Variants in POU1F1 observed in about 807,000 individuals in gnomAD.
POU1F1 encodes pituitary-specific positive transcription factor 1.
In POU1F1, 23 loss-of-function variants were observed where a neutral mutation model predicts 32.3. That is an observed-to-expected ratio of 0.71 (90% CI 0.51 to 1.01). POU1F1 has a LOEUF of 1.01. Ranked by LOEUF, POU1F1 falls within the 50% of genes least tolerant of loss-of-function variation. The pLI is 0.00. For synonymous variants in POU1F1, 120 were observed against 115.6 expected, an observed-to-expected ratio of 1.04 and a Z score of -0.25; for missense variants, 323 against 341.6, an observed-to-expected ratio of 0.95 and a Z score of 0.43.
rs76296626 is a variant in POU1F1, at chr3:87,260,109, C to A, written c.666-5G>T. On this transcript the variant is annotated splice_region_variant and splice_polypyrimidine_tract_variant and intron_variant, in intron 5 of 5. Transcript: ENST00000350375. ...AGAGCATCTTTAGCAGCAATGCTGGCGGGGGGTGGACATAGGGGGTGAAAT... is the reference window on the plus strand; with the variant it reads ...AGAGCATCTTTAGCAGCAATGCTGGAGGGGGGTGGACATAGGGGGTGAAAT... 1 of 1,609,970 alleles carries A rather than the reference C, an allele frequency of 6.2e-7. No homozygotes were observed. Among genetic ancestry groups the A allele is most frequent in the Non-Finnish European group, 8.5e-7 (1 of 1,177,844 alleles).
chr3:87,269,805 C>T (rs1706693349), intron 2 of POU1F1, among the ~76,000 whole-genome samples: 1 of 151,560 alleles, frequency 6.6e-6, no homozygotes, highest in Non-Finnish European at 1.5e-5. Flanking sequence ...TTGTTTTCCC[C>T]TTGAAATTAA....
In POU1F1 at chr3:87,261,975, C is replaced by A. The variant is rs372330792; in HGVS notation, c.604+96G>T. 143 of 1,442,162 alleles carry A rather than the reference C, an allele frequency of 9.9e-5. 2 individuals carry two copies. In the African/African-American group the frequency reaches 1.2e-3, roughly 12 times the overall value. The allele number at this position is 1,442,162 out of a possible 1,614,324, so 89.3% of individuals were successfully genotyped here. On this transcript the variant is annotated intron_variant, in intron 4 of 5. Coordinates refer to ENST00000350375, the MANE Select transcript of POU1F1 (RefSeq NM_000306.4). ...CTCAAAGAGAAAAGGCGGAAAAAAA[C>A]CCCTCAAACCTCCTGCTTTAGCATT...
At chr3:87,263,242 T>C (rs1706543408) in intron 3 of POU1F1, among the ~76,000 whole-genome samples, 1 of 152,118 alleles carries the variant, frequency 6.6e-6, no homozygotes, top group Admixed American at 6.6e-5. Context: ...TAAATGATTG[T>C]CAAGCATATT....
intron 1 of POU1F1, 184 bp from the exon 2 acceptor site, chr3:87,273,602 G>GT: frequency 1.7e-6 from 2 of 1,188,812 alleles, no homozygotes; most frequent in Non-Finnish European, 2.3e-6. Context: ...CTCATTTTGG[G>GT]TAAGTTCTCT....
intron 3 of POU1F1, among the ~76,000 whole-genome samples, chr3:87,263,862 C>T (rs1219483405): frequency 6.6e-6 from 1 of 151,664 alleles, no homozygotes; most frequent in Non-Finnish European, 1.5e-5. Flanking sequence ...CATATATTTC[C>T]ATATATATTT....
chr3:87,260,310 A>G (rs1473262785), intron 5 of POU1F1, among the ~76,000 whole-genome samples: 1 of 152,212 alleles, frequency 6.6e-6, no homozygotes. Flanking sequence ...AGGTAGAGTT[A>G]CACGAGAGTC....
Position 87,264,280 on chromosome 3 carries a change from G to A in POU1F1, c.439+8C>T. 5 of 1,598,676 alleles carry A rather than the reference G, an allele frequency of 3.1e-6. No individual in the cohort carries two copies. Among genetic ancestry groups the A allele is most frequent in the Non-Finnish European group, 4.3e-6 (5 of 1,166,212 alleles). On this transcript the variant is annotated splice_region_variant and intron_variant, in intron 3 of 5. Coordinates refer to ENST00000350375, the MANE Select transcript of POU1F1 (RefSeq NM_000306.4). ...TTCTTTTTCCTGTTGCCTTTAACAA[G>A]CACATACCTAATTTAATTCGTCTCA...
At chr3:87,264,871 CAG>C (rs1263067326) in intron 2 of POU1F1, among the ~76,000 whole-genome samples, 1 of 152,098 alleles carries the variant, frequency 6.6e-6, no homozygotes, top group Non-Finnish European at 1.5e-5. Context: ...GAACTCTAAC[CAG>C]AGTCTATGCA....
At chr3:87,266,209 A>G (rs896646334) in intron 2 of POU1F1, among the ~76,000 whole-genome samples, 2 of 147,520 alleles carry the variant, frequency 1.4e-5, no homozygotes, top group East Asian at 1.9e-4. Flanking sequence ...AATCATAAAT[A>G]TGTAGTTATT....
At chr3:87,270,897 T>C (rs1262659936) in intron 2 of POU1F1, among the ~76,000 whole-genome samples, 1 of 152,126 alleles carries the variant, frequency 6.6e-6, no homozygotes, top group African/African-American at 2.4e-5. Context: ...CAAATGCTAA[T>C]ACTGAATTAT....
chr3:87,262,936 A>C (rs142807072), intron 3 of POU1F1, among the ~76,000 whole-genome samples: 36 of 152,280 alleles, frequency 2.4e-4, no homozygotes, highest in African/African-American at 8.7e-4. Flanking sequence ...TTTCACAAAG[A>C]TTCCTACTAC....
At position 87,259,809 on chromosome 3, in the gene POU1F1, T is replaced by A. The variant is rs775122027; in HGVS notation, c.*85A>T. 4.7e-4 allele frequency: 555 copies of A among 1,181,364 alleles called. 2 individuals carry two copies. Among genetic ancestry groups the A allele is most frequent in the Middle Eastern group, 1.1e-3 (4 of 3,670 alleles). The allele number at this position is 1,181,364 out of a possible 1,614,324, so 73.2% of individuals were successfully genotyped here. A position where few individuals can be genotyped will look rare whatever the true frequency, so the allele number is the denominator to read the frequency against. On this transcript the variant is annotated 3_prime_UTR_variant, in exon 6 of 6. Transcript: ENST00000350375. ...AAAAGCTATTGATATAAAATGATTT[T>A]AAGTCAACCAAGTAATTTCTGTTTT...
chr3:87,264,257 C>A (rs997471028), intron 3 of POU1F1, 31 bp downstream of exon 3: 2 of 1,547,646 alleles, frequency 1.3e-6, no homozygotes, highest in African/African-American at 1.4e-5. Flanking sequence ...AAACCAAGTT[C>A]TTTTTCCTGT....
At chr3:87,260,865 A>ATTT (rs199555032) in intron 5 of POU1F1, among the ~76,000 whole-genome samples, 1 of 45,398 alleles carries the variant, frequency 2.2e-5, no homozygotes, top group African/African-American at 8.2e-5. Context: ...CATTATTATT[A>ATTT]TTTTTTTTTT....
intron 2 of POU1F1, among the ~76,000 whole-genome samples, chr3:87,265,922 TTGAG>T (rs1453160270): frequency 1.3e-5 from 2 of 151,554 alleles, no homozygotes; most frequent in African/African-American, 4.8e-5. Flanking sequence ...TATAAAAATA[TTGAG>T]TAATTAATCA....
intron 2 of POU1F1, among the ~76,000 whole-genome samples, chr3:87,270,290 T>C (rs1035764256): frequency 6.6e-6 from 1 of 152,164 alleles, no homozygotes; most frequent in Non-Finnish European, 1.5e-5. Context: ...AACGTAGATA[T>C]GAAGAGATTG....
rs1391478091 is a variant in POU1F1, at chr3:87,259,816, A to G, written c.*78T>C. 6 of 1,251,518 alleles carry G rather than the reference A, an allele frequency of 4.8e-6. No homozygotes were observed. The highest frequency in any genetic ancestry group is 1.5e-5 in the African/African-American group (1 of 66,710). 77.5% of individuals were successfully genotyped at this position (1,251,518 alleles called of 1,614,324 possible). A position where few individuals can be genotyped will look rare whatever the true frequency, so the allele number is the denominator to read the frequency against. On this transcript the variant is annotated 3_prime_UTR_variant, in exon 6 of 6. Transcript: ENST00000350375. ...ATTGATATAAAATGATTTTAAGTCAACCAAGTAATTTCTGTTTTTGTTGAG... is the reference window on the plus strand; with the variant it reads ...ATTGATATAAAATGATTTTAAGTCAGCCAAGTAATTTCTGTTTTTGTTGAG...
intron 1 of POU1F1, 117 bp downstream of exon 1, chr3:87,276,204 A>G: frequency 7.5e-7 from 1 of 1,340,904 alleles, no homozygotes. Context: ...CTTAAGACAA[A>G]TTAAATTGGA....
At chr3:87,275,333 T>A (rs1706806415) in intron 1 of POU1F1, among the ~76,000 whole-genome samples, 2 of 151,998 alleles carry the variant, frequency 1.3e-5, no homozygotes, top group Non-Finnish European at 2.9e-5. Context: ...AGAAGATTGG[T>A]GCCAAACTTA....
Sources: allele counts gnomAD v4.1 joint callset (sites outside exome capture counted in the v4.1 genomes callset), GRCh38; gene constraint gnomAD v4.1.1; transcripts MANE v1.5; gene names NCBI Gene and HGNC (gene_info 2026-07-23, HGNC 2026-07-21).